PDS5A: variants seen among roughly 807,000 people sequenced by gnomAD.
PDS5A encodes PDS5 cohesin associated factor A.
In PDS5A, 42 loss-of-function variants were observed where a neutral mutation model predicts 167.1. The observed-to-expected ratio is 0.25, with a 90% CI of 0.20 to 0.33. The LOEUF is 0.33. PDS5A is among the 10% of genes least tolerant of loss of function. The pLI, the probability that PDS5A is intolerant of heterozygous loss-of-function variation, is 1.00. For synonymous variants in PDS5A, 553 were observed against 554.6 expected (o/e 1.00, Z 0.04); for missense variants, 1,033 against 1,605.9 (o/e 0.64, Z 6.10).
chr4:39,952,496 CT>C (rs373822220), intron 2 of PDS5A, among the ~76,000 whole-genome samples: 7 of 149,442 alleles, frequency 4.7e-5, no homozygotes, highest in Non-Finnish European at 7.4e-5. Context: ...ATTTGTTAAT[CT>C]TTTTTTTTTC....
At chr4:39,885,347 T>C (rs1032907468) in intron 17 of PDS5A, among the ~76,000 whole-genome samples, 2 of 146,564 alleles carry the variant, frequency 1.4e-5, no homozygotes, top group African/African-American at 5.1e-5. Context: ...ATGCCTGAAA[T>C]ACCAGCATTT....
At chr4:39,878,964 G>A (rs751513561) in intron 18 of PDS5A, among the ~76,000 whole-genome samples, 24 of 152,090 alleles carry the variant, frequency 1.6e-4, no homozygotes, top group African/African-American at 4.3e-4. Flanking sequence ...GGATGGTCTC[G>A]ATCTCTTGAC....
intron 26 of PDS5A, among the ~76,000 whole-genome samples, chr4:39,860,503 A>G (rs908170335): frequency 2.0e-5 from 3 of 152,044 alleles, no homozygotes; most frequent in Admixed American, 1.3e-4. Context: ...AAGAAAGGAA[A>G]TTAGTAGATC....
At chr4:39,907,625 C>T (rs1448545983) in intron 11 of PDS5A, among the ~76,000 whole-genome samples, 1 of 147,376 alleles carries the variant, frequency 6.8e-6, no homozygotes, top group Non-Finnish European at 1.5e-5. Context: ...CTCGCTTTGT[C>T]ACCCAGGCTG....
chr4:39,976,288 T>C lies in PDS5A; in HGVS notation c.138+152A>G, dbSNP rs1578865165. On this transcript the variant is annotated intron_variant, in intron 2 of 32. Transcript: ENST00000303538. The stretch of plus-strand genomic sequence containing the variant: ...ATGGTTATATCCCTACAAAACTCAC[T>C]CAAAGATGTTATCTGAGATACAACA... 3 of 562,006 alleles carry C rather than the reference T, an allele frequency of 5.3e-6. No individual in the cohort carries two copies. The East Asian group carries it at 8.0e-5, about 15-fold the overall frequency. 34.8% of individuals were successfully genotyped at this position (562,006 alleles called of 1,614,324 possible).
intron 26 of PDS5A, among the ~76,000 whole-genome samples, chr4:39,850,438 T>C (rs1289498788): frequency 1.3e-5 from 2 of 152,050 alleles, no homozygotes; most frequent in Non-Finnish European, 2.9e-5. Flanking sequence ...ATCACACCAC[T>C]GCACTCCAGC....
chr4:39,943,159 C>T (rs1378352863), intron 2 of PDS5A, among the ~76,000 whole-genome samples: 2 of 150,124 alleles, frequency 1.3e-5, no homozygotes, highest in Admixed American at 6.7e-5. Flanking sequence ...CACACACACA[C>T]ACACACACAC....
chr4:39,925,677 T>G (rs1470042954), intron 5 of PDS5A, among the ~76,000 whole-genome samples, 159 bp downstream of exon 5: 1 of 152,192 alleles, frequency 6.6e-6, no homozygotes, highest in Non-Finnish European at 1.5e-5. Flanking sequence ...AAGGCAGTGT[T>G]CGGACAACAG....
rs73242423 is a variant in PDS5A at position 39,871,328 on chromosome 4, T to C, written c.2436+1658A>G. On this transcript the variant is annotated intron_variant, in intron 21 of 32. Coordinates refer to ENST00000303538, the MANE Select transcript of PDS5A (RefSeq NM_001100399.2). ...AAAGACCGTCTGAAAACACAATCTA[T>C]CAACAATCATCATTTAAGAGGTATC... Among the ~76,000 whole-genome samples, 313 of 152,298 alleles carry C rather than the reference T, an allele frequency of 2.1e-3. 4 individuals carry two copies. The highest frequency in any genetic ancestry group is 1.6e-3 in the Non-Finnish European group (107 of 68,020).
intron 14 of PDS5A, 100 bp downstream of exon 14, chr4:39,900,326 A>G: frequency 1.4e-6 from 1 of 702,888 alleles, no homozygotes; most frequent in Non-Finnish European, 2.4e-6. Flanking sequence ...TGGAAAATAA[A>G]ACAACTGAGA....
intron 32 of PDS5A, among the ~76,000 whole-genome samples, chr4:39,829,208 G>A (rs1434719976): frequency 6.6e-6 from 1 of 152,198 alleles, no homozygotes; most frequent in Non-Finnish European, 1.5e-5. Flanking sequence ...GGAAAATGCA[G>A]GTGGAATGTC....
chr4:39,936,962 G>C (rs1178974264), intron 2 of PDS5A: 1 of 152,230 alleles, frequency 6.6e-6, no homozygotes, highest in East Asian at 1.9e-4. Context: ...GGGGTGAAGA[G>C]GGGTGTGTGG....
chr4:39,849,387 C>T, intron 27 of PDS5A, 133 bp downstream of exon 27: 1 of 619,526 alleles, frequency 1.6e-6, no homozygotes. Context: ...TAAAAACTGA[C>T]TACACATTTA....
chr4:39,826,369 C>T (rs548329436), intron 32 of PDS5A, among the ~76,000 whole-genome samples: 38 of 152,034 alleles, frequency 2.5e-4, no homozygotes, highest in Admixed American at 1.2e-3. Context: ...TTGACTTCAT[C>T]AATATTTGTT....
At chr4:39,865,541 T>C (rs1018714965) in intron 23 of PDS5A, among the ~76,000 whole-genome samples, 2 of 152,228 alleles carry the variant, frequency 1.3e-5, no homozygotes, top group African/African-American at 2.4e-5. Flanking sequence ...AAAAAATTAA[T>C]AGCATAGCAG....
chr4:39,957,343 T>C (rs981181048), intron 2 of PDS5A, among the ~76,000 whole-genome samples: 4 of 151,864 alleles, frequency 2.6e-5, no homozygotes, highest in South Asian at 2.1e-4. Flanking sequence ...AGAAAAAGCA[T>C]ACACTAAGTG....
intron 16 of PDS5A, among the ~76,000 whole-genome samples, chr4:39,895,309 G>T (rs1305717034): frequency 1.3e-5 from 2 of 151,822 alleles, no homozygotes; most frequent in Non-Finnish European, 2.9e-5. Flanking sequence ...CTACTTCTAT[G>T]CTACAAAATT....
In PDS5A at chr4:39,957,071, G is replaced by A. The variant is rs911756214; in HGVS notation, c.138+19369C>T. On this transcript the variant is annotated intron_variant, in intron 2 of 32. Coordinates refer to ENST00000303538, the MANE Select transcript of PDS5A (RefSeq NM_001100399.2). The stretch of plus-strand genomic sequence containing the variant: ...ATCTTAGGAAAAATTTTTATTCAAT[G>A]ATTTTCTTTTCACACACAAGGAATC... 5.3e-5 allele frequency among the ~76,000 whole-genome samples: 8 copies of A among 152,222 alleles called. No homozygotes were observed. In the Middle Eastern group the frequency reaches 0.01, roughly 194 times the overall value.
intron 2 of PDS5A, among the ~76,000 whole-genome samples, chr4:39,960,911 A>G (rs1314748246): frequency 6.6e-6 from 1 of 151,918 alleles, no homozygotes; most frequent in African/African-American, 2.4e-5. Context: ...GATGGTCTTG[A>G]TCTCTTGACT....
Sources: gnomAD v4.1 joint callset for allele counts (sites outside exome capture counted in the v4.1 genomes callset) on GRCh38, gnomAD v4.1.1 for gene constraint, MANE v1.5 for transcripts, NCBI Gene and HGNC (gene_info 2026-07-23, HGNC 2026-07-21) for gene names.